Variants in CPLANE1 observed in about 807,000 individuals in gnomAD.
CPLANE1 encodes the protein ciliogenesis and planar polarity effector 1.
CPLANE1 carries 263 observed loss-of-function variants against 362.5 expected under a neutral mutation model. That is an observed-to-expected ratio of 0.73 (90% CI 0.66 to 0.80). The LOEUF is 0.80. Ranked by LOEUF, CPLANE1 falls within the 30% of genes least tolerant of loss-of-function variation. CPLANE1 has a pLI of 0.00. For missense variants in CPLANE1, 3,461 were observed against 3,793.4 expected, an observed-to-expected ratio of 0.91 and a Z score of 2.30; for synonymous variants, 1,212 against 1,302.6, an observed-to-expected ratio of 0.93 and a Z score of 1.50.
intron 42 of CPLANE1, among the ~76,000 whole-genome samples, chr5:37,152,314 C>A (rs1561418621): frequency 6.6e-6 from 1 of 152,164 alleles, no homozygotes; most frequent in East Asian, 1.9e-4. Context: ...GTAGCTAGGA[C>A]TACAGGTGCA....
Position 37,243,138 on chromosome 5 carries a change from T to C in CPLANE1, c.571-19A>G. The C allele has an allele frequency of 1.5e-6, 2 of 1,335,788 alleles. No homozygotes were observed. Among genetic ancestry groups the C allele is most frequent in the Non-Finnish European group, 2.1e-6 (2 of 973,106 alleles). The allele number at this position is 1,335,788 out of a possible 1,614,324, so 82.7% of individuals were successfully genotyped here. A position where few individuals can be genotyped will look rare whatever the true frequency, so the allele number is the denominator to read the frequency against. ...CAAATAACTGTAGATAAATTTAATA[T>C]ACTTTAGTATAAAATTAATCTGAAA... is the stretch of plus-strand genomic sequence containing the variant. On this transcript the variant is annotated intron_variant, in intron 5 of 52. Coordinates refer to ENST00000651892, the MANE Select transcript of CPLANE1 (RefSeq NM_001384732.1).
Position 37,224,677 on chromosome 5 carries a change from T to C in CPLANE1, c.2355A>G (p.Arg785=). ...ACTGACTATCAGCTTCAGGAACTCT[T>C]CGATTTAATTGTGCTTGATACCATA... ...KTLWYQAQLN[R]RVPEADSQLT... The change falls in exon 13 of 53, where the codon CGA becomes CGG. Residue 785 remains arginine (R), a synonymous_variant. Coordinates refer to ENST00000651892, the MANE Select transcript of CPLANE1 (RefSeq NM_001384732.1). The C allele has an allele frequency of 1.3e-6, 2 of 1,551,618 alleles. No homozygotes were observed. Among genetic ancestry groups the C allele is most frequent in the East Asian group, 2.4e-5 (1 of 40,846 alleles).
At chr5:37,242,490 C>A (rs1484237181) in intron 6 of CPLANE1, among the ~76,000 whole-genome samples, 1 of 152,166 alleles carries the variant, frequency 6.6e-6, no homozygotes, top group Non-Finnish European at 1.5e-5. Flanking sequence ...CAACTGAATT[C>A]TTTTCCAGAA....
At chr5:37,082,421 G>A in the CPLANE1 span, among the ~76,000 whole-genome samples, 5 of 152,160 alleles carry the variant, frequency 3.3e-5, no homozygotes, top group Non-Finnish European at 5.9e-5. Flanking sequence ...CACACTACCC[G>A]ATCCCAAGAT....
chr5:37,172,143 A>ATTTTT (rs1454424797), intron 32 of CPLANE1, among the ~76,000 whole-genome samples: 1 of 152,084 alleles, frequency 6.6e-6, no homozygotes, highest in East Asian at 1.9e-4. Context: ...GCTTCTTTCT[A>ATTTTT]TTTTTAAAAC....
In CPLANE1 at chr5:37,153,880, T is replaced by C; in HGVS notation, c.8233A>G (p.Ser2745Gly). The change falls in exon 42 of 53, where the codon AGC becomes GGC. Residue 2745 changes from serine to glycine, a missense_variant. Coordinates refer to ENST00000651892, the MANE Select transcript of CPLANE1 (RefSeq NM_001384732.1). ...QGVSAACPAP[S>G]SAAHQLEHLS... The stretch of plus-strand genomic sequence containing the variant: ...TGCTCTAGTTGGTGAGCTGCAGAGC[T>C]TGGTGCAGGGCAAGCTGCAGAGACA... The C allele has an allele frequency of 6.2e-7, 1 of 1,614,154 alleles. No individual in the cohort carries two copies. Among genetic ancestry groups the C allele is most frequent in the African/African-American group, 1.3e-5 (1 of 75,042 alleles).
intron 14 of CPLANE1, among the ~76,000 whole-genome samples, chr5:37,222,532 T>G (rs544898825): frequency 6.6e-6 from 1 of 152,214 alleles, no homozygotes; most frequent in African/African-American, 2.4e-5. Flanking sequence ...GGAAAGCCAC[T>G]CTTTCTCTGT....
At chr5:37,165,477 A>G (rs1778004017) in intron 36 of CPLANE1, 62 bp downstream of exon 36, 2 of 1,540,134 alleles carry the variant, frequency 1.3e-6, no homozygotes, top group Non-Finnish European at 1.8e-6. Context: ...ATAAACCACA[A>G]AGACATACCA....
the CPLANE1 span, among the ~76,000 whole-genome samples, chr5:37,098,841 A>G: frequency 4.0e-5 from 6 of 151,796 alleles, no homozygotes; most frequent in Non-Finnish European, 8.8e-5. Flanking sequence ...ACACACAGAA[A>G]TGAAAACACA....
Position 37,205,363 on chromosome 5 carries a change from A to G in CPLANE1, c.3241T>C (p.Ser1081Pro), listed in dbSNP as rs1446297280. Reference protein sequence around the residue: ...KLQCVLGQPASLEAKNEMGSK... With the variant: ...KLQCVLGQPAPLEAKNEMGSK... ...CCCATTTCATTTTTTGCTTCCAAAG[A>G]GGCTGGTTGACCTAAAACACACTGC... is the stretch of plus-strand genomic sequence containing the variant. The change falls in exon 18 of 53, where the codon TCT becomes CCT. Residue 1081 changes from serine to proline, a missense_variant. Physicochemically the swap from Ser to Pro is moderately conservative, Grantham distance 74. Around this residue, in one of 2 missense-constraint regions of CPLANE1, gnomAD observed 3,380 missense variants for 3,666.1 expected, o/e 0.92. Coordinates refer to ENST00000651892, the MANE Select transcript of CPLANE1 (RefSeq NM_001384732.1). 6.4e-7 allele frequency: 1 copy of G among 1,551,138 alleles called. No individual in the cohort carries two copies.
chr5:37,136,494 C>T (rs192456903), intron 46 of CPLANE1, among the ~76,000 whole-genome samples: 18 of 152,294 alleles, frequency 1.2e-4, no homozygotes, highest in Admixed American at 3.3e-4. Context: ...TGCAAGCTGT[C>T]GGTAAATCTA....
chr5:37,244,985 AC>A (rs1739034316), intron 4 of CPLANE1, among the ~76,000 whole-genome samples: 1 of 151,840 alleles, frequency 6.6e-6, no homozygotes, highest in African/African-American at 2.4e-5. Context: ...CCCCGTCTCT[AC>A]TAAAAATACA....
chr5:37,171,803 A>C (rs1779890519), intron 32 of CPLANE1, among the ~76,000 whole-genome samples: 1 of 149,662 alleles, frequency 6.7e-6, no homozygotes, highest in African/African-American at 2.5e-5. Flanking sequence ...TATTCTATCT[A>C]AAAGACAAGG....
At chr5:37,124,956 T>C (rs552250827) in intron 47 of CPLANE1, 9 of 1,137,668 alleles carry the variant, frequency 7.9e-6, no homozygotes, top group East Asian at 1.1e-4. Context: ...AGAACTCCAA[T>C]TGGTCACCCA....
At position 37,117,642 on chromosome 5, in the gene CPLANE1, T is replaced by TG. The variant is rs552914473; in HGVS notation, c.9310+2573dup. ...AAGCTGCTGAGCAGCACAGGTTCTA[T>TG]GGGGAAAGGAGGTCAAGGAAGCAGG... On this transcript the variant is annotated intron_variant, in intron 50 of 52. Coordinates refer to ENST00000651892, the MANE Select transcript of CPLANE1 (RefSeq NM_001384732.1). 1.5e-3 allele frequency among the ~76,000 whole-genome samples: 228 copies of TG among 152,162 alleles called. 2 individuals carry two copies. The highest frequency in any genetic ancestry group is 5.2e-3 in the African/African-American group (215 of 41,526).
At chr5:37,182,692 A>T in intron 26 of CPLANE1, 68 bp downstream of exon 26, 1 of 936,756 alleles carries the variant, frequency 1.1e-6, no homozygotes, top group Non-Finnish European at 1.6e-6. Context: ...AAGATGGGAA[A>T]TGTAAACATA....
chr5:37,240,761 G>C (rs1175193855), intron 6 of CPLANE1, among the ~76,000 whole-genome samples: 1 of 152,160 alleles, frequency 6.6e-6, no homozygotes, highest in South Asian at 2.1e-4. Flanking sequence ...GTGCACAAAA[G>C]AGAACCTGCA....
the CPLANE1 span, among the ~76,000 whole-genome samples, chr5:37,094,317 T>TTAAC: frequency 0.5 from 76,480 of 151,774 alleles, 22,147 homozygotes; most frequent in African/African-American, 0.82. Context: ...TACATGGAAA[T>TTAAC]TAACTTGCTC....
At chr5:37,119,490 G>C (rs2150054029) in intron 50 of CPLANE1, among the ~76,000 whole-genome samples, 1 of 151,998 alleles carries the variant, frequency 6.6e-6, no homozygotes, top group South Asian at 2.1e-4. Flanking sequence ...CACCAACATG[G>C]AGAAACCCCA....
Sources: gnomAD v4.1 joint callset for allele counts (sites outside exome capture counted in the v4.1 genomes callset) on GRCh38, gnomAD v4.1.1 for gene constraint, gnomAD v4.1.1 regional missense constraint, MANE v1.5 for transcripts, NCBI Gene and HGNC (gene_info 2026-07-23, HGNC 2026-07-21) for gene names.